Variants in CREB5 observed in about 807,000 individuals in gnomAD.
CREB5 encodes the protein cAMP responsive element binding protein 5.
Under a neutral mutation model 57.1 loss-of-function variants are expected in CREB5, and 19 were observed. That is an observed-to-expected ratio of 0.33 (90% CI 0.23 to 0.49). The LOEUF is 0.49. Ranked by LOEUF, CREB5 falls within the 20% of genes least tolerant of loss-of-function variation. CREB5 has a pLI of 0.99. For synonymous variants in CREB5, 238 were observed against 238.3 expected (o/e 1.00, Z 0.01); for missense variants, 579 against 671.6 (o/e 0.86, Z 1.52).
chr7:28,679,781 A>G (rs1800500454), intron 5 of CREB5, among the ~76,000 whole-genome samples: 2 of 152,204 alleles, frequency 1.3e-5, no homozygotes, highest in South Asian at 2.1e-4. Flanking sequence ...GTGTTAGTGT[A>G]TCAGTACAAA....
At chr7:28,387,644 G>C (rs890539183) in intron 1 of CREB5, among the ~76,000 whole-genome samples, 1 of 152,076 alleles carries the variant, frequency 6.6e-6, no homozygotes, top group Non-Finnish European at 1.5e-5. Context: ...GGGTGGAGGG[G>C]GAGGAGGGAG....
chr7:28,793,774 G>A (rs1807867242), intron 7 of CREB5, among the ~76,000 whole-genome samples: 1 of 152,176 alleles, frequency 6.6e-6, no homozygotes. Flanking sequence ...CACTGCAAAA[G>A]GACTGTTGTC....
At chr7:28,692,084 G>A (rs1801299769) in intron 5 of CREB5, among the ~76,000 whole-genome samples, 1 of 151,722 alleles carries the variant, frequency 6.6e-6, no homozygotes, top group African/African-American at 2.4e-5. Context: ...TACTTAGGAG[G>A]CTGAGGCAGG....
At chr7:28,658,963 A>ATATATATATATATATGTG (rs1554281590) in intron 5 of CREB5, among the ~76,000 whole-genome samples, 1 of 117,220 alleles carries the variant, frequency 8.5e-6, no homozygotes, top group Non-Finnish European at 2.0e-5. Flanking sequence ...GTATATATAT[A>ATATATATATATATATGTG]TATATATATA....
intron 1 of CREB5, among the ~76,000 whole-genome samples, chr7:28,388,647 A>G (rs1172807340): frequency 1.3e-5 from 2 of 152,220 alleles, no homozygotes; most frequent in African/African-American, 4.8e-5. Flanking sequence ...CTGATGAAGA[A>G]ACTAAGGCGC....
At chr7:28,340,938 G>A (rs530059005) in intron 1 of CREB5, among the ~76,000 whole-genome samples, 21 of 152,272 alleles carry the variant, frequency 1.4e-4, no homozygotes, top group African/African-American at 4.6e-4. Context: ...TCACTGTGCT[G>A]TCTCTCCCCA....
chr7:28,787,783 G>A (rs1807420943), intron 7 of CREB5, among the ~76,000 whole-genome samples: 1 of 152,116 alleles, frequency 6.6e-6, no homozygotes, highest in South Asian at 2.1e-4. Context: ...CAAACTCCTA[G>A]GCTCAAGCAA....
chr7:28,419,155 G>A (rs1355691505), intron 1 of CREB5, among the ~76,000 whole-genome samples: 1 of 152,200 alleles, frequency 6.6e-6, no homozygotes, highest in Non-Finnish European at 1.5e-5. Context: ...AGGCTACTTT[G>A]TGATTGACTG....
intron 1 of CREB5, among the ~76,000 whole-genome samples, chr7:28,335,967 G>A (rs188904470): frequency 4.3e-4 from 66 of 152,108 alleles, no homozygotes; most frequent in African/African-American, 1.5e-3. Context: ...TATGACTTTG[G>A]TCCTTCATTC....
chr7:28,332,481 G>A (rs941266869), intron 1 of CREB5, among the ~76,000 whole-genome samples: 9 of 152,086 alleles, frequency 5.9e-5, no homozygotes, highest in South Asian at 2.1e-4. Context: ...TTACGTTTGC[G>A]TGGTAGAAAC....
intron 10 of CREB5, chr7:28,818,893 C>A: frequency 1.7e-6 from 1 of 595,028 alleles, no homozygotes; most frequent in Non-Finnish European, 3.0e-6. Flanking sequence ...TTTACTGATA[C>A]AGAAAGCATG....
intron 3 of CREB5, 126 bp from the exon 4 acceptor site, chr7:28,507,490 A>T (rs1792526590): frequency 1.8e-6 from 2 of 1,137,274 alleles, no homozygotes; most frequent in Non-Finnish European, 1.2e-6. Flanking sequence ...TAAAGGGCCA[A>T]GAGACTGGAT....
chr7:28,447,746 T>C (rs1008041520), intron 1 of CREB5, among the ~76,000 whole-genome samples: 3 of 152,152 alleles, frequency 2.0e-5, no homozygotes, highest in Non-Finnish European at 4.4e-5. Flanking sequence ...ATTTCCAAAA[T>C]GTGGCTTCTG....
At chr7:28,529,724 T>A (rs1478594624) in intron 4 of CREB5, among the ~76,000 whole-genome samples, 1 of 152,174 alleles carries the variant, frequency 6.6e-6, no homozygotes, top group Admixed American at 6.5e-5. Flanking sequence ...CCCACCCAAA[T>A]GTGGGGAAAT....
rs376435098 is a variant in CREB5, at chr7:28,401,145, G to A, written c.-24-93761G>A. On this transcript the variant is annotated intron_variant, in intron 1 of 9. Coordinates refer to the CREB5 transcript ENST00000396299. ...AAGTAGTTTTTCCTTTAATCGAGTC[G>A]CTTTCAAAGAAAGAAAAACACATTA... Among the ~76,000 whole-genome samples the A allele has an allele frequency of 2.3e-3, 352 of 152,210 alleles. 4 individuals carry two copies. The highest frequency in any genetic ancestry group is 0.017 in the Middle Eastern group (5 of 294).
At chr7:28,781,935 GTTT>G (rs36045067) in intron 7 of CREB5, among the ~76,000 whole-genome samples, 1 of 144,928 alleles carries the variant, frequency 6.9e-6, no homozygotes, top group Non-Finnish European at 1.5e-5. Flanking sequence ...AACAATGTGT[GTTT>G]TTTTTTTTTT....
At chr7:28,465,844 C>T (rs1790541298) in intron 1 of CREB5, among the ~76,000 whole-genome samples, 1 of 152,120 alleles carries the variant, frequency 6.6e-6, no homozygotes. Flanking sequence ...TTTATGTCAG[C>T]CTGCTAACGT....
At chr7:28,558,345 T>C (rs1227301795) in intron 4 of CREB5, among the ~76,000 whole-genome samples, 1 of 152,202 alleles carries the variant, frequency 6.6e-6, no homozygotes, top group East Asian at 1.9e-4. Flanking sequence ...CACTGATCAT[T>C]AGAACAGCAC....
chr7:28,544,947 T>C (rs748524841), intron 4 of CREB5, among the ~76,000 whole-genome samples: 3 of 152,186 alleles, frequency 2.0e-5, no homozygotes, highest in Non-Finnish European at 4.4e-5. Flanking sequence ...TTTGAGTAAC[T>C]GACAAATTAT....
Sources: gnomAD v4.1 joint callset for allele counts (sites outside exome capture counted in the v4.1 genomes callset) on GRCh38, gnomAD v4.1.1 for gene constraint, MANE v1.5 for transcripts, NCBI Gene and HGNC (gene_info 2026-07-23, HGNC 2026-07-21) for gene names.